Variants in DCC observed in about 807,000 individuals in gnomAD.
DCC encodes the protein DCC netrin 1 receptor.
A neutral mutation model predicts 172.5 loss-of-function variants in DCC; 58 were observed. The observed-to-expected ratio is 0.34, with a 90% CI of 0.27 to 0.42. DCC has a LOEUF of 0.42. Ranked by LOEUF, DCC falls within the 10% of genes least tolerant of loss-of-function variation. The pLI, the probability that DCC is intolerant of heterozygous loss-of-function variation, is 1.00. For synonymous variants in DCC, 709 were observed against 644.5 expected (o/e 1.10, Z -1.52); for missense variants, 1,740 against 1,791.0 (o/e 0.97, Z 0.51).
chr18:52,748,419 C>A (rs1310841052), intron 1 of DCC, among the ~76,000 whole-genome samples: 1 of 152,236 alleles, frequency 6.6e-6, no homozygotes, highest in Non-Finnish European at 1.5e-5. Context: ...CCAAGGTCTG[C>A]ACCTCCAGAA....
intron 1 of DCC, among the ~76,000 whole-genome samples, chr18:52,711,967 A>AT (rs74178681): frequency 0.051 from 7,479 of 147,238 alleles, 243 homozygotes; most frequent in South Asian, 0.14. Context: ...TTCCCACTTA[A>AT]TTTTTTTTTT....
intron 12 of DCC, among the ~76,000 whole-genome samples, chr18:53,289,661 TA>T (rs200014740): frequency 7.9e-5 from 12 of 152,044 alleles, no homozygotes; most frequent in Admixed American, 7.9e-4. Flanking sequence ...CAGACATTAA[TA>T]AAAAAAGATC....
At chr18:52,975,653 T>C (rs2145594435) in intron 5 of DCC, among the ~76,000 whole-genome samples, 1 of 152,250 alleles carries the variant, frequency 6.6e-6, no homozygotes, top group South Asian at 2.1e-4. Context: ...GGATAATGGC[T>C]TCCAAATCCA....
intron 1 of DCC, among the ~76,000 whole-genome samples, chr18:52,739,088 A>G (rs117980044): frequency 0.035 from 5,332 of 151,972 alleles, 131 homozygotes; most frequent in Admixed American, 0.048. Flanking sequence ...CACGTGAGTA[A>G]TATGTTGCGC....
At chr18:53,467,382 G>A (rs534488183) in intron 24 of DCC, among the ~76,000 whole-genome samples, 55 of 152,040 alleles carry the variant, frequency 3.6e-4, no homozygotes, top group Admixed American at 1.2e-3. Context: ...ATGTAAATAT[G>A]TCTGATCTTA....
chr18:53,210,796 TTA>T (rs1275684632), intron 11 of DCC, among the ~76,000 whole-genome samples: 4 of 152,178 alleles, frequency 2.6e-5, no homozygotes, highest in South Asian at 2.1e-4. Flanking sequence ...TTTCATTACT[TTA>T]TGTTTTTTTT....
At chr18:53,457,345 A>C (rs2145162363) in intron 23 of DCC, among the ~76,000 whole-genome samples, 1 of 152,342 alleles carries the variant, frequency 6.6e-6, no homozygotes, top group Middle Eastern at 3.4e-3. Flanking sequence ...CATGCTTGTA[A>C]GCAAGGGGAA....
chr18:53,437,599 A>AG (rs1174280508), intron 22 of DCC, among the ~76,000 whole-genome samples: 10 of 149,502 alleles, frequency 6.7e-5, no homozygotes, highest in African/African-American at 2.5e-4. Flanking sequence ...AAAAAAAAAA[A>AG]AAAAAAAAAA....
intron 12 of DCC, among the ~76,000 whole-genome samples, chr18:53,277,405 G>A (rs543351385): frequency 6.6e-6 from 1 of 152,224 alleles, no homozygotes; most frequent in African/African-American, 2.4e-5. Context: ...ACATTTGCTT[G>A]CCAAATGCAA....
chr18:52,392,790 A>G (rs1986079077), intron 1 of DCC, among the ~76,000 whole-genome samples: 1 of 152,110 alleles, frequency 6.6e-6, no homozygotes, highest in Non-Finnish European at 1.5e-5. Flanking sequence ...AAAGACCAAG[A>G]AAATAAAATA....
intron 9 of DCC, among the ~76,000 whole-genome samples, chr18:53,193,326 G>A (rs1471125344): frequency 2.0e-5 from 3 of 151,696 alleles, no homozygotes; most frequent in Non-Finnish European, 4.4e-5. Flanking sequence ...TAGACTGTGA[G>A]TTCTATGGAA....
chr18:52,819,351 G>T (rs1255050495), intron 2 of DCC, among the ~76,000 whole-genome samples: 1 of 152,188 alleles, frequency 6.6e-6, no homozygotes, highest in Non-Finnish European at 1.5e-5. Flanking sequence ...TAAAGATTGT[G>T]CCTAAAAGTT....
intron 1 of DCC, among the ~76,000 whole-genome samples, chr18:52,733,461 G>A (rs2036677414): frequency 6.6e-6 from 1 of 152,008 alleles, no homozygotes; most frequent in Non-Finnish European, 1.5e-5. Flanking sequence ...TCCCTTTCAA[G>A]TTAGTGTCAG....
chr18:52,729,417 A>C (rs2036601048), intron 1 of DCC, among the ~76,000 whole-genome samples: 1 of 152,028 alleles, frequency 6.6e-6, no homozygotes, highest in Admixed American at 6.6e-5. Context: ...CCACCACTGC[A>C]CCTGCCTAAT....
chr18:53,006,014 A>G (rs2041640082), intron 5 of DCC, among the ~76,000 whole-genome samples: 1 of 152,144 alleles, frequency 6.6e-6, no homozygotes, highest in South Asian at 2.1e-4. Context: ...GGATGAGACA[A>G]TGACAAAATC....
At chr18:52,769,208 C>T (rs997261859) in intron 2 of DCC, among the ~76,000 whole-genome samples, 1 of 152,138 alleles carries the variant, frequency 6.6e-6, no homozygotes, top group African/African-American at 2.4e-5. Flanking sequence ...CAATTAATGA[C>T]AGTTTGTTGC....
At chr18:53,327,319 C>CTGATCATT (rs2057477943) in intron 14 of DCC, among the ~76,000 whole-genome samples, 1 of 151,392 alleles carries the variant, frequency 6.6e-6, no homozygotes, top group Admixed American at 6.6e-5. Flanking sequence ...AAAAAAAAAG[C>CTGATCATT]AAACCAAGAT....
intron 1 of DCC, among the ~76,000 whole-genome samples, chr18:52,454,195 T>C (rs1988390815): frequency 6.6e-6 from 1 of 152,140 alleles, no homozygotes; most frequent in African/African-American, 2.4e-5. Context: ...ACATATACAA[T>C]ATCTTGGAAT....
chr18:53,242,761 T>A (rs1357392047), intron 12 of DCC, among the ~76,000 whole-genome samples: 1 of 152,110 alleles, frequency 6.6e-6, no homozygotes, highest in Non-Finnish European at 1.5e-5. Flanking sequence ...CCAAAAAAAA[T>A]GTGCCAGTAT....
Sources: gnomAD v4.1 joint callset for allele counts (sites outside exome capture counted in the v4.1 genomes callset) on GRCh38, gnomAD v4.1.1 for gene constraint, MANE v1.5 for transcripts, NCBI Gene and HGNC (gene_info 2026-07-23, HGNC 2026-07-21) for gene names.